Variants in ZFAT observed in about 807,000 individuals in gnomAD.
ZFAT encodes zinc finger protein ZFAT.
ZFAT carries 64 observed loss-of-function variants against 117.7 expected under a neutral mutation model. The observed-to-expected ratio is 0.54, with a 90% CI of 0.44 to 0.67. The LOEUF (loss-of-function observed/expected upper bound fraction) is 0.67, where lower values mean the gene tolerates loss of function less well. Among genes scored for constraint, ZFAT ranks in the 30% least tolerant of loss-of-function variants. The pLI, the probability that ZFAT is intolerant of heterozygous loss-of-function variation, is 0.00. For missense variants in ZFAT, 1,433 were observed against 1,584.5 expected (o/e 0.90, Z 1.62); for synonymous variants, 679 against 615.0 (o/e 1.10, Z -1.54).
At chr8:134,711,163 T>G (rs1040344038) in intron 1 of ZFAT, among the ~76,000 whole-genome samples, 4 of 152,182 alleles carry the variant, frequency 2.6e-5, no homozygotes, top group African/African-American at 9.7e-5. Flanking sequence ...GAGATGGGGT[T>G]TCACTACACT....
intron 11 of ZFAT, among the ~76,000 whole-genome samples, chr8:134,551,426 C>G (rs1021926774): frequency 6.6e-6 from 1 of 152,118 alleles, no homozygotes; most frequent in Non-Finnish European, 1.5e-5. Context: ...CCAGTCCACC[C>G]GTCTTATTCA....
chr8:134,687,151 C>T (rs1358066577), intron 1 of ZFAT, among the ~76,000 whole-genome samples: 3 of 152,212 alleles, frequency 2.0e-5, no homozygotes, highest in African/African-American at 4.8e-5. Context: ...AGCTCTGATG[C>T]TCAGTGGGCT....
rs527614122 is a variant in ZFAT, at chr8:134,602,038, G to A, written c.1681C>T (p.His561Tyr). 2 of 1,611,760 alleles carry A rather than the reference G, an allele frequency of 1.2e-6. No homozygotes were observed. Among genetic ancestry groups the A allele is most frequent in the South Asian group, 1.1e-5 (1 of 90,940 alleles). The part of the protein sequence containing the change: ...APGEMPAPAV[H>Y]LASPQAESTA... ...CTTTCGGCCTGCGGGGAGGCCAGGT[G>A]CACAGCTGGGGCAGGCATTTCCCCA... The change falls in exon 6 of 16, where the codon CAC becomes TAC. Residue 561 changes from histidine (H) to tyrosine (Y), a missense_variant. His to Tyr is a moderately conservative substitution (Grantham distance 83). This residue lies in a region of ZFAT where 372 missense variants were observed against 355.6 expected (regional missense o/e 1.05). Coordinates refer to ENST00000377838, the MANE Select transcript of ZFAT (RefSeq NM_020863.4).
the ZFAT span, among the ~76,000 whole-genome samples, chr8:134,759,222 C>G: frequency 2.0e-5 from 3 of 152,174 alleles, no homozygotes; most frequent in Admixed American, 1.3e-4. Flanking sequence ...TTATTTGACC[C>G]TCACAACGGA....
chr8:134,639,774 C>A (rs1229332135), intron 2 of ZFAT: 1 of 450,970 alleles, frequency 2.2e-6, no homozygotes. Flanking sequence ...AAAACACCCA[C>A]CTCGTGTCAT....
chr8:134,658,351 T>A (rs1345132886), intron 1 of ZFAT, among the ~76,000 whole-genome samples: 6 of 71,206 alleles, frequency 8.4e-5, no homozygotes, highest in Non-Finnish European at 1.4e-4. Flanking sequence ...AAAAAAAAAA[T>A]TTGCAACTTA....
At chr8:134,712,666 T>G (rs1173379163) in intron 1 of ZFAT, among the ~76,000 whole-genome samples, 179 bp downstream of exon 1, 2 of 143,238 alleles carry the variant, frequency 1.4e-5, no homozygotes. Flanking sequence ...CGACTGAACG[T>G]GAGCCGCAGA....
At chr8:134,704,241 G>C (rs1834089209) in intron 1 of ZFAT, among the ~76,000 whole-genome samples, 1 of 152,134 alleles carries the variant, frequency 6.6e-6, no homozygotes, top group Non-Finnish European at 1.5e-5. Context: ...CAAGCCCCTT[G>C]CACCAACTCA....
chr8:134,663,608 T>C (rs1297557030), intron 1 of ZFAT, among the ~76,000 whole-genome samples: 1 of 151,904 alleles, frequency 6.6e-6, no homozygotes, highest in Non-Finnish European at 1.5e-5. Context: ...GGTGGGGGCA[T>C]ACACCTACAA....
intron 3 of ZFAT, among the ~76,000 whole-genome samples, chr8:134,629,976 G>A (rs564662531): frequency 9.8e-4 from 149 of 152,258 alleles, no homozygotes; most frequent in Non-Finnish European, 1.8e-3. Context: ...CACTCCAGCT[G>A]GGTCCCTGAG....
At chr8:134,516,669 T>G (rs1040324797) in intron 13 of ZFAT, among the ~76,000 whole-genome samples, 48 of 152,074 alleles carry the variant, frequency 3.2e-4, no homozygotes, top group Non-Finnish European at 6.6e-4. Flanking sequence ...ATCCTGTCTC[T>G]ATTTTTAAAA....
the ZFAT span, among the ~76,000 whole-genome samples, chr8:134,720,307 A>G: frequency 6.6e-6 from 1 of 152,246 alleles, no homozygotes; most frequent in Non-Finnish European, 1.5e-5. Flanking sequence ...TAAGTGTGGG[A>G]GTAGTTTTTT....
upstream of ZFAT, among the ~76,000 whole-genome samples, chr8:134,713,625 T>G (rs1814125019): frequency 6.6e-6 from 1 of 152,134 alleles, no homozygotes; most frequent in African/African-American, 2.4e-5. Context: ...CTGCACTGGA[T>G]GTGCGCGCCT....
At chr8:134,813,809 C>T in the ZFAT span, among the ~76,000 whole-genome samples, 1 of 108,624 alleles carries the variant, frequency 9.2e-6, no homozygotes, top group East Asian at 2.0e-4. Flanking sequence ...TATACACACA[C>T]ACACACACAC....
chr8:134,703,380 G>A (rs993043187), intron 1 of ZFAT, among the ~76,000 whole-genome samples: 1 of 152,218 alleles, frequency 6.6e-6, no homozygotes, highest in Non-Finnish European at 1.5e-5. Context: ...CTTCAGAACA[G>A]GTCTCAAGGA....
chr8:134,600,009 A>G (rs781040982), intron 7 of ZFAT: 38 of 369,180 alleles, frequency 1.0e-4, no homozygotes, highest in Admixed American at 1.9e-4. Context: ...AACATCTACT[A>G]TGCTCTTACT....
the ZFAT span, among the ~76,000 whole-genome samples, chr8:134,820,899 C>T: frequency 1.3e-5 from 2 of 152,166 alleles, no homozygotes; most frequent in African/African-American, 4.8e-5. Context: ...TAATGTGTCT[C>T]GCCCCTGACA....
At chr8:134,594,348 G>C (rs924426771) in intron 7 of ZFAT, among the ~76,000 whole-genome samples, 1 of 152,116 alleles carries the variant, frequency 6.6e-6, no homozygotes, top group Admixed American at 6.5e-5. Context: ...TACTGACCGG[G>C]TGTACCCATT....
chr8:134,805,483 T>C, the ZFAT span, among the ~76,000 whole-genome samples: 1 of 152,086 alleles, frequency 6.6e-6, no homozygotes, highest in Non-Finnish European at 1.5e-5. Flanking sequence ...CTGATTTAGG[T>C]TAGGGATGTA....
Sources: gnomAD v4.1 joint callset for allele counts (sites outside exome capture counted in the v4.1 genomes callset) on GRCh38, gnomAD v4.1.1 for gene constraint, gnomAD v4.1.1 regional missense constraint, MANE v1.5 for transcripts, NCBI Gene and HGNC (gene_info 2026-07-23, HGNC 2026-07-21) for gene names.